The following EYS variants were observed in gnomAD, a reference collection of about 807,000 sequenced individuals.
The protein encoded by EYS is protein eyes shut homolog.
A neutral mutation model predicts 282.1 loss-of-function variants in EYS; 250 were observed. The ratio of observed to expected loss-of-function variants is 0.89; its 90% CI spans 0.80 to 0.98. The LOEUF (loss-of-function observed/expected upper bound fraction) is 0.98, where lower values mean the gene tolerates loss of function less well. Among genes scored for constraint, EYS ranks in the 50% least tolerant of loss-of-function variants. The probability of loss-of-function intolerance (pLI) is 0.00; values close to 1 mark genes in which losing one functional copy is unlikely to be tolerated. For missense variants in EYS, 4,016 were observed against 3,709.0 expected, an observed-to-expected ratio of 1.08 and a Z score of -2.15; for synonymous variants, 1,355 against 1,282.9, an observed-to-expected ratio of 1.06 and a Z score of -1.20.
At chr6:64,954,431 G>T (rs988774963) in intron 14 of EYS, among the ~76,000 whole-genome samples, 2 of 152,056 alleles carry the variant, frequency 1.3e-5, no homozygotes, top group Non-Finnish European at 2.9e-5. Context: ...GACAATTAGA[G>T]ATATAGTCTA....
At chr6:64,634,556 A>T (rs1767905092) in intron 22 of EYS, among the ~76,000 whole-genome samples, 1 of 151,912 alleles carries the variant, frequency 6.6e-6, no homozygotes, top group African/African-American at 2.4e-5. Context: ...CCAAAAAAAA[A>T]AAAAAAGAGC....
intron 26 of EYS, among the ~76,000 whole-genome samples, chr6:64,560,319 A>C (rs1368717812): frequency 1.3e-5 from 2 of 151,898 alleles, no homozygotes; most frequent in Non-Finnish European, 1.5e-5. Flanking sequence ...TGCATACAAA[A>C]ATTTTCTTCT....
At chr6:65,642,231 T>C (rs1219156530) in intron 1 of EYS, among the ~76,000 whole-genome samples, 1 of 152,210 alleles carries the variant, frequency 6.6e-6, no homozygotes, top group Non-Finnish European at 1.5e-5. Flanking sequence ...TGTTTGTGTT[T>C]CGGTGGGTAC....
At chr6:63,841,603 C>A (rs1299112866) in intron 36 of EYS, among the ~76,000 whole-genome samples, 1 of 151,872 alleles carries the variant, frequency 6.6e-6, no homozygotes, top group African/African-American at 2.4e-5. Context: ...TGTTTCTTCA[C>A]CTTTTATTTT....
At chr6:64,686,803 A>ATATATG (rs1554193092) in intron 22 of EYS, among the ~76,000 whole-genome samples, 2 of 47,794 alleles carry the variant, frequency 4.2e-5, no homozygotes, top group Non-Finnish European at 9.4e-5. Flanking sequence ...GTATATATAT[A>ATATATG]TGTGTGTATA....
intron 19 of EYS, among the ~76,000 whole-genome samples, chr6:64,832,277 A>G (rs1765243757): frequency 6.6e-6 from 1 of 151,896 alleles, no homozygotes; most frequent in Non-Finnish European, 1.5e-5. Context: ...AATGATTCTA[A>G]TCCTTGCTAA....
At chr6:65,577,235 C>T (rs1764150708) in intron 2 of EYS, among the ~76,000 whole-genome samples, 1 of 151,574 alleles carries the variant, frequency 6.6e-6, no homozygotes, top group Admixed American at 6.6e-5. Context: ...AAACAAAAAC[C>T]TGTTGTCCAA....
intron 12 of EYS, among the ~76,000 whole-genome samples, chr6:65,061,311 G>A (rs974519821): frequency 6.6e-6 from 1 of 151,956 alleles, no homozygotes; most frequent in Non-Finnish European, 1.5e-5. Flanking sequence ...TAGCATTCAT[G>A]TATCCTTTTC....
rs1368916345 is a variant in EYS, at chr6:64,886,843, C to A, written c.2847-1G>T. ...CTCAGGTTCACAATTACAAAAAAATCTGGAGAAAAGTGGAGAAATGAGGAA... is the reference window on the plus strand; with the variant it reads ...CTCAGGTTCACAATTACAAAAAAATATGGAGAAAAGTGGAGAAATGAGGAA... On this transcript the variant is annotated splice_acceptor_variant, in intron 18 of 42. Transcript: ENST00000503581. LOFTEE classifies it high-confidence loss of function. 6.6e-7 allele frequency: 1 copy of A among 1,513,046 alleles called. No individual in the cohort carries two copies. Among genetic ancestry groups the A allele is most frequent in the South Asian group, 1.3e-5 (1 of 76,296 alleles). The allele number at this position is 1,513,046 out of a possible 1,614,324, so 93.7% of individuals were successfully genotyped here.
intron 22 of EYS, among the ~76,000 whole-genome samples, chr6:64,671,443 C>T (rs576296191): frequency 8.5e-5 from 13 of 152,248 alleles, no homozygotes; most frequent in Admixed American, 1.3e-4. Context: ...GCTTGGACTT[C>T]CCAGACTCCA....
chr6:65,364,093 C>G (rs960078111), intron 8 of EYS, among the ~76,000 whole-genome samples: 1 of 149,176 alleles, frequency 6.7e-6, no homozygotes, highest in Non-Finnish European at 1.5e-5. Context: ...TCCAAATAAA[C>G]TCTTGGATGT....
chr6:65,638,741 T>C (rs1238316032), intron 2 of EYS, among the ~76,000 whole-genome samples: 1 of 152,188 alleles, frequency 6.6e-6, no homozygotes, highest in Non-Finnish European at 1.5e-5. Context: ...CACATATCCC[T>C]TGCCACTCCA....
At chr6:65,016,065 G>C (rs80030247) in intron 13 of EYS, among the ~76,000 whole-genome samples, 1 of 112,916 alleles carries the variant, frequency 8.9e-6, no homozygotes, top group East Asian at 2.6e-4. Flanking sequence ...GAAAAGAAAA[G>C]AAAAAGAAAA....
chr6:65,475,571 T>A (rs981093145), intron 5 of EYS, among the ~76,000 whole-genome samples: 2 of 152,068 alleles, frequency 1.3e-5, no homozygotes, highest in Non-Finnish European at 2.9e-5. Context: ...TATGAAAAAA[T>A]TCTGAAAAGT....
Position 65,152,059 on chromosome 6 carries a change from T to C in EYS, c.2024-94332A>G, listed in dbSNP as rs1357197741. On this transcript the variant is annotated intron_variant, in intron 12 of 42. Coordinates refer to ENST00000503581, the MANE Select transcript of EYS (RefSeq NM_001142800.2). ...AGATACTTGTATTACTAATAGCAAA[T>C]TACTTGCAAAAGGCCACGAACCAGC... Among the ~76,000 whole-genome samples, 3 of 151,998 alleles carry C rather than the reference T, an allele frequency of 2.0e-5. No homozygotes were observed. The East Asian group carries it at 5.8e-4, about 29-fold the overall frequency.
At chr6:64,983,506 A>T (rs1770751598) in intron 14 of EYS, among the ~76,000 whole-genome samples, 1 of 151,214 alleles carries the variant, frequency 6.6e-6, no homozygotes, top group African/African-American at 2.4e-5. Flanking sequence ...TGATGTTTCC[A>T]CTCATAAACA....
At chr6:64,451,062 C>T (rs1194870848) in intron 26 of EYS, among the ~76,000 whole-genome samples, 1 of 152,052 alleles carries the variant, frequency 6.6e-6, no homozygotes, top group African/African-American at 2.4e-5. Flanking sequence ...AGCAGTGAAT[C>T]CAGGAGCTGG....
intron 1 of EYS, among the ~76,000 whole-genome samples, chr6:65,662,936 G>GA (rs1248199632): frequency 3.3e-5 from 5 of 152,138 alleles, no homozygotes; most frequent in East Asian, 1.9e-4. Context: ...GGATACATAA[G>GA]AAAAAATGAA....
At chr6:64,319,047 C>T (rs1377492710) in intron 29 of EYS, among the ~76,000 whole-genome samples, 1 of 151,584 alleles carries the variant, frequency 6.6e-6, no homozygotes, top group Non-Finnish European at 1.5e-5. Flanking sequence ...ATTAACCTTT[C>T]TTTTTACTTT....
Sources: gnomAD v4.1 joint callset for allele counts (sites outside exome capture counted in the v4.1 genomes callset) on GRCh38, gnomAD v4.1.1 for gene constraint, MANE v1.5 for transcripts, NCBI Gene and HGNC (gene_info 2026-07-23, HGNC 2026-07-21) for gene names.